TMEM65: variants seen among roughly 807,000 people sequenced by gnomAD.
The protein encoded by TMEM65 is transmembrane protein 65.
Under a neutral mutation model 25.4 loss-of-function variants are expected in TMEM65, and 22 were observed. The observed-to-expected ratio is 0.86, with a 90% CI of 0.62 to 1.23. The LOEUF (loss-of-function observed/expected upper bound fraction) is 1.23, where lower values mean the gene tolerates loss of function less well. TMEM65 is among the 50% of genes most tolerant of loss of function. The pLI is 0.00. For synonymous variants in TMEM65, 132 were observed against 126.2 expected (o/e 1.05, Z -0.31); for missense variants, 262 against 308.2 (o/e 0.85, Z 1.12).
At chr8:124,363,077 A>T (rs1052267431) in intron 1 of TMEM65, among the ~76,000 whole-genome samples, 8 of 152,204 alleles carry the variant, frequency 5.3e-5, no homozygotes, top group African/African-American at 1.4e-4. Context: ...AAGTGCGTTA[A>T]ATCTTTGACA....
intron 1 of TMEM65, among the ~76,000 whole-genome samples, chr8:124,358,215 T>C (rs762380890): frequency 3.3e-5 from 5 of 152,186 alleles, no homozygotes; most frequent in South Asian, 2.1e-4. Flanking sequence ...ATCTATAAAA[T>C]AGAGATAATT....
intron 1 of TMEM65, among the ~76,000 whole-genome samples, chr8:124,361,104 T>C (rs1241735637): frequency 6.6e-6 from 1 of 152,194 alleles, no homozygotes; most frequent in East Asian, 1.9e-4. Flanking sequence ...TCAAGACAAC[T>C]TCACAGGTTT....
chr8:124,318,933 CT>C (rs1814272758), intron 6 of TMEM65, among the ~76,000 whole-genome samples: 1 of 152,128 alleles, frequency 6.6e-6, no homozygotes, highest in Admixed American at 6.5e-5. Context: ...TCTGTTTTCC[CT>C]TTTTATTCTC....
rs963452794 is a variant in TMEM65 at position 124,310,366 on chromosome 8, C to T, written c.*3594G>A. The T allele has an allele frequency of 3.3e-5, 5 of 152,016 alleles. No individual in the cohort carries two copies. Among genetic ancestry groups the T allele is most frequent in the African/African-American group, 1.2e-4 (5 of 41,366 alleles). The allele number at this position is 152,016 out of a possible 1,614,324, so 9.4% of individuals were successfully genotyped here. A position where few individuals can be genotyped will look rare whatever the true frequency, so the allele number is the denominator to read the frequency against. On this transcript the variant is annotated 3_prime_UTR_variant, in exon 7 of 7. Coordinates refer to ENST00000297632, the MANE Select transcript of TMEM65 (RefSeq NM_194291.3). Reference sequence around the variant, plus strand: ...TAAATTATAGATAAGAAAATGACTCCATGAATCTGGAGGTAAAAAGGAACC... The same window carrying T: ...TAAATTATAGATAAGAAAATGACTCTATGAATCTGGAGGTAAAAAGGAACC...
intron 1 of TMEM65, among the ~76,000 whole-genome samples, chr8:124,346,740 C>T (rs1024057071): frequency 2.6e-5 from 4 of 152,116 alleles, no homozygotes; most frequent in Admixed American, 2.6e-4. Flanking sequence ...CACAAAAGTG[C>T]AGGAAGTAGA....
At chr8:124,349,109 T>C (rs1042955892) in intron 1 of TMEM65, among the ~76,000 whole-genome samples, 12 of 152,194 alleles carry the variant, frequency 7.9e-5, no homozygotes, top group Non-Finnish European at 4.4e-5. Flanking sequence ...GGTCCAGAAC[T>C]CAGATTCTCA....
Position 124,313,923 on chromosome 8 carries a change from C to T in TMEM65, c.*37G>A, listed in dbSNP as rs1814198664. 7.3e-7 allele frequency: 1 copy of T among 1,370,010 alleles called. No homozygotes were observed. The highest frequency in any genetic ancestry group is 1.4e-5 in the African/African-American group (1 of 69,286). 84.9% of individuals were successfully genotyped at this position (1,370,010 alleles called of 1,614,324 possible). A position where few individuals can be genotyped will look rare whatever the true frequency, so the allele number is the denominator to read the frequency against. On this transcript the variant is annotated 3_prime_UTR_variant, in exon 7 of 7. Transcript: ENST00000297632. ...GACAGCATATTTAATTACTGAGGTACATTAGTTTACATCTTTTTATAGGTA... is the reference window on the plus strand; with the variant it reads ...GACAGCATATTTAATTACTGAGGTATATTAGTTTACATCTTTTTATAGGTA...
At chr8:124,355,967 C>G (rs1435237900) in intron 1 of TMEM65, among the ~76,000 whole-genome samples, 3 of 152,078 alleles carry the variant, frequency 2.0e-5, no homozygotes, top group Admixed American at 6.5e-5. Context: ...AGAAATCACA[C>G]CAGATACACA....
chr8:124,354,232 T>C (rs889091738), intron 1 of TMEM65, among the ~76,000 whole-genome samples: 2 of 152,112 alleles, frequency 1.3e-5, no homozygotes, highest in Non-Finnish European at 2.9e-5. Context: ...TCCAGATGGA[T>C]GGAAATTAAA....
In TMEM65 at chr8:124,371,272, C is replaced by A. The variant is rs181744864; in HGVS notation, c.304+582G>T. On this transcript the variant is annotated intron_variant, in intron 1 of 6. Coordinates refer to ENST00000297632, the MANE Select transcript of TMEM65 (RefSeq NM_194291.3). ...TTTCCATTTCTGGAGAAAATGTTTCCTTTGGCTGCTGAAATTAACGCAATC... is the reference window on the plus strand; with the variant it reads ...TTTCCATTTCTGGAGAAAATGTTTCATTTGGCTGCTGAAATTAACGCAATC... Among the ~76,000 whole-genome samples, 1,437 of 152,258 alleles carry A rather than the reference C, an allele frequency of 9.4e-3. 30 individuals carry two copies. Among genetic ancestry groups the A allele is most frequent in the Middle Eastern group, 0.017 (5 of 294 alleles).
chr8:124,357,760 A>C lies in TMEM65; in HGVS notation c.304+14094T>G, dbSNP rs576410271. 3.3e-3 allele frequency among the ~76,000 whole-genome samples: 504 copies of C among 151,810 alleles called. 4 individuals are homozygous for C. The highest frequency in any genetic ancestry group is 5.4e-3 in the Non-Finnish European group (367 of 67,912). The stretch of plus-strand genomic sequence containing the variant: ...TATAAGTATCCAGAGAGGGGCAGTA[A>C]GTAGTAAGTAGGAAGAGAGGTTGGA... On this transcript the variant is annotated intron_variant, in intron 1 of 6. Coordinates refer to ENST00000297632, the MANE Select transcript of TMEM65 (RefSeq NM_194291.3).
At position 124,321,127 on chromosome 8, in the gene TMEM65, T is replaced by A. The variant is rs561408992; in HGVS notation, c.516-936A>T. On this transcript the variant is annotated intron_variant, in intron 5 of 6. Transcript: ENST00000297632. Reference sequence around the variant, plus strand: ...TATCATGATACATTTATGCCAGGAATTCGAAGAATATAAAATTCTTGCCAT... The same window carrying A: ...TATCATGATACATTTATGCCAGGAAATCGAAGAATATAAAATTCTTGCCAT... Among the ~76,000 whole-genome samples, 356 of 152,266 alleles carry A rather than the reference T, an allele frequency of 2.3e-3. 1 individual carries two copies. Among genetic ancestry groups the A allele is most frequent in the African/African-American group, 8.2e-3 (340 of 41,560 alleles).
intron 1 of TMEM65, among the ~76,000 whole-genome samples, chr8:124,355,126 G>A (rs948604273): frequency 1.3e-5 from 2 of 151,908 alleles, no homozygotes; most frequent in Non-Finnish European, 2.9e-5. Flanking sequence ...AAGAAGATAG[G>A]CAAAAAGAAC....
intron 1 of TMEM65, among the ~76,000 whole-genome samples, chr8:124,356,102 A>C (rs900549502): frequency 6.6e-6 from 1 of 152,212 alleles, no homozygotes; most frequent in Non-Finnish European, 1.5e-5. Context: ...CTACGAGTCA[A>C]TCCTTAATCT....
chr8:124,352,369 A>T (rs772170586), intron 1 of TMEM65, among the ~76,000 whole-genome samples: 2 of 152,026 alleles, frequency 1.3e-5, no homozygotes, highest in Non-Finnish European at 2.9e-5. Context: ...ATTAAAATTT[A>T]ATATACATTT....
At position 124,323,375 on chromosome 8, in the gene TMEM65, C is replaced by A; in HGVS notation, c.418G>T (p.Gly140Ter). 4 of 1,485,312 alleles carry A rather than the reference C, an allele frequency of 2.7e-6. No individual in the cohort carries two copies. The highest frequency in any genetic ancestry group is 3.7e-6 in the Non-Finnish European group (4 of 1,087,906). 92.0% of individuals were successfully genotyped at this position (1,485,312 alleles called of 1,614,324 possible). Residue 140 changes from glycine to a stop codon, truncating the protein, a stop_gained and splice_region_variant, in exon 4 of 7, where the codon GGA becomes TGA. Coordinates refer to ENST00000297632, the MANE Select transcript of TMEM65 (RefSeq NM_194291.3). LOFTEE classifies it high-confidence loss of function. ...FLDNAIMIVA[G>*]THIEMSIGII... The stretch of plus-strand genomic sequence containing the variant: ...CCAATAGACATTTCAATATGGGTTC[C>A]CTGAAATATGATAAAAAATTAATCT...
chr8:124,347,547 C>T (rs1317792670), intron 1 of TMEM65, among the ~76,000 whole-genome samples: 2 of 152,164 alleles, frequency 1.3e-5, no homozygotes, highest in African/African-American at 4.8e-5. Flanking sequence ...ACAATTCATC[C>T]AGGTAACTAC....
At chr8:124,325,629 A>G (rs1814358246) in intron 3 of TMEM65, among the ~76,000 whole-genome samples, 1 of 152,040 alleles carries the variant, frequency 6.6e-6, no homozygotes, top group Non-Finnish European at 1.5e-5. Flanking sequence ...TAGAAACAGA[A>G]TAACAGGTAT....
chr8:124,320,948 C>G (rs921649113), intron 5 of TMEM65, among the ~76,000 whole-genome samples: 10 of 151,992 alleles, frequency 6.6e-5, no homozygotes, highest in Non-Finnish European at 1.3e-4. Flanking sequence ...TAAACAAAAA[C>G]AATTGTTTTA....
Sources: gnomAD v4.1 joint callset for allele counts (sites outside exome capture counted in the v4.1 genomes callset) on GRCh38, gnomAD v4.1.1 for gene constraint, MANE v1.5 for transcripts, NCBI Gene and HGNC (gene_info 2026-07-23, HGNC 2026-07-21) for gene names.